The following CELF4 variants were observed in gnomAD, a reference collection of about 807,000 sequenced individuals.
CELF4 encodes the protein CUGBP Elav-like family member 4, also known as CUG-BP- and ETR-3-like factor 4.
Under a neutral mutation model 59.9 loss-of-function variants are expected in CELF4, and 18 were observed. The ratio of observed to expected loss-of-function variants is 0.30; its 90% CI spans 0.21 to 0.45. The LOEUF (loss-of-function observed/expected upper bound fraction) is 0.45, where lower values mean the gene tolerates loss of function less well. Among genes scored for constraint, CELF4 ranks in the 20% least tolerant of loss-of-function variants. The pLI is 1.00. For synonymous variants in CELF4, 261 were observed against 267.1 expected (o/e 0.98, Z 0.22); for missense variants, 456 against 689.0 (o/e 0.66, Z 3.79).
At position 37,565,622 on chromosome 18, in the gene CELF4, G is replaced by A; in HGVS notation, c.20C>T (p.Thr7Met). MYIKMATLANGQADNAS... is the reference protein window; with the variant it reads MYIKMAMLANGQADNAS... ...GTTGTCAGCCTGTCCGTTTGCTAAC[G>A]TGGCCATCTTTATATACATAGAGAA... Residue 7 changes from threonine to methionine, a missense_variant, in exon 1 of 13, where the codon ACG (threonine) becomes ATG (methionine). Transcript: ENST00000420428. 6.2e-7 allele frequency: 1 copy of A among 1,602,628 alleles called. No individual in the cohort carries two copies. Among genetic ancestry groups the A allele is most frequent in the South Asian group, 1.1e-5 (1 of 90,044 alleles).
chr18:37,423,429 C>T (rs780862812), intron 2 of CELF4, among the ~76,000 whole-genome samples: 1 of 151,844 alleles, frequency 6.6e-6, no homozygotes, highest in Non-Finnish European at 1.5e-5. Context: ...CTGGAGGAGG[C>T]GGGGTCAAAG....
At chr18:37,350,205 C>G (rs767412776) in intron 2 of CELF4, among the ~76,000 whole-genome samples, 1 of 152,134 alleles carries the variant, frequency 6.6e-6, no homozygotes, top group Non-Finnish European at 1.5e-5. Context: ...CTGACAAATG[C>G]AGACACTTTA....
At chr18:37,353,233 A>AAAAATATATATATATATATATAT in intron 2 of CELF4, among the ~76,000 whole-genome samples, 1 of 106,974 alleles carries the variant, frequency 9.3e-6, no homozygotes, top group South Asian at 3.2e-4. Flanking sequence ...AAAAAAAAAA[A>AAAAATATATATATATATATATAT]ATATATATAT....
At chr18:37,376,877 G>T (rs1457304726) in intron 2 of CELF4, among the ~76,000 whole-genome samples, 1 of 152,186 alleles carries the variant, frequency 6.6e-6, no homozygotes, top group Non-Finnish European at 1.5e-5. Flanking sequence ...CAATTTGAAA[G>T]CAGAGCAGAG....
chr18:37,476,817 T>C (rs2099850678), intron 2 of CELF4, among the ~76,000 whole-genome samples: 1 of 152,188 alleles, frequency 6.6e-6, no homozygotes, highest in Non-Finnish European at 1.5e-5. Flanking sequence ...GCACAGCCCT[T>C]GTGGCAGCCT....
At chr18:37,355,582 A>G (rs777028670) in intron 2 of CELF4, among the ~76,000 whole-genome samples, 7 of 152,244 alleles carry the variant, frequency 4.6e-5, no homozygotes, top group Middle Eastern at 3.4e-3. Flanking sequence ...CTGAGGCAGG[A>G]GAATCGCTTG....
At chr18:37,403,795 G>C (rs759438969) in intron 2 of CELF4, among the ~76,000 whole-genome samples, 1 of 152,200 alleles carries the variant, frequency 6.6e-6, no homozygotes, top group Non-Finnish European at 1.5e-5. Flanking sequence ...CAGATGCTGT[G>C]GCTGGGACAG....
At chr18:37,252,349 G>A (rs1167455387) in intron 12 of CELF4, among the ~76,000 whole-genome samples, 3 of 152,086 alleles carry the variant, frequency 2.0e-5, no homozygotes, top group Non-Finnish European at 4.4e-5. Flanking sequence ...GGTCAGTGCA[G>A]TAGACCTATG....
intron 2 of CELF4, among the ~76,000 whole-genome samples, chr18:37,348,433 C>T (rs1216529741): frequency 6.6e-6 from 1 of 152,168 alleles, no homozygotes; most frequent in African/African-American, 2.4e-5. Context: ...CGGTCCTGTC[C>T]ATCCCACATC....
Position 37,485,534 on chromosome 18 carries a change from A to G in CELF4, c.360T>C (p.Thr120=). ...GGCGGGCGCCACTTACCCCGGGCAGAGTCTTCTGCTCGTGCAGCGCGCTCT... is the reference window on the plus strand; with the variant it reads ...GGCGGGCGCCACTTACCCCGGGCAGGGTCTTCTGCTCGTGCAGCGCGCTCT... The part of the protein sequence containing the change: ...KAQSALHEQK[T]LPGMNRPIQV... Residue 120 remains threonine (T), a synonymous_variant, in exon 2 of 13, where the codon ACT becomes ACC. Coordinates refer to ENST00000420428, the MANE Select transcript of CELF4 (RefSeq NM_020180.4). 1.4e-6 allele frequency: 2 copies of G among 1,389,298 alleles called. No homozygotes were observed. Among genetic ancestry groups the G allele is most frequent in the Non-Finnish European group, 9.4e-7 (1 of 1,059,240 alleles). The allele number at this position is 1,389,298 out of a possible 1,614,324, so 86.1% of individuals were successfully genotyped here.
At chr18:37,480,824 G>A (rs1190003619) in intron 2 of CELF4, among the ~76,000 whole-genome samples, 1 of 151,854 alleles carries the variant, frequency 6.6e-6, no homozygotes, top group African/African-American at 2.4e-5. Flanking sequence ...GGAGAGAAGA[G>A]AGGAGAAAAT....
chr18:37,418,562 C>T (rs1207687123), intron 2 of CELF4, among the ~76,000 whole-genome samples: 1 of 152,234 alleles, frequency 6.6e-6, no homozygotes, highest in East Asian at 1.9e-4. Context: ...CTGGAAAAAG[C>T]AGTGAAGAAG....
chr18:37,303,656 T>G (rs1247986751), intron 3 of CELF4, among the ~76,000 whole-genome samples: 3 of 152,098 alleles, frequency 2.0e-5, no homozygotes, highest in Non-Finnish European at 4.4e-5. Flanking sequence ...CACTGCTGGC[T>G]CTCCAGGTCC....
At chr18:37,541,737 C>A (rs2099977970) in intron 1 of CELF4, among the ~76,000 whole-genome samples, 1 of 151,980 alleles carries the variant, frequency 6.6e-6, no homozygotes, top group Non-Finnish European at 1.5e-5. Flanking sequence ...CCATTCCTGC[C>A]TCCGGGCCTT....
At chr18:37,466,001 G>T (rs756303559) in intron 2 of CELF4, among the ~76,000 whole-genome samples, 5 of 152,160 alleles carry the variant, frequency 3.3e-5, no homozygotes, top group Non-Finnish European at 7.3e-5. Context: ...TGCTGGCAGA[G>T]TCAAAGGCCA....
At chr18:37,300,866 G>A (rs1381523746) in intron 3 of CELF4, among the ~76,000 whole-genome samples, 2 of 152,216 alleles carry the variant, frequency 1.3e-5, no homozygotes, top group Non-Finnish European at 2.9e-5. Flanking sequence ...GCCTGGCAGA[G>A]GGAGCAGCTA....
chr18:37,273,587 G>C lies in CELF4; in HGVS notation c.802-424C>G, dbSNP rs1024585140. 4 of 992,578 alleles carry C rather than the reference G, an allele frequency of 4.0e-6. No individual in the cohort carries two copies. The African/African-American group carries it at 6.9e-5, about 17-fold the overall frequency. The allele number at this position is 992,578 out of a possible 1,614,324, so 61.5% of individuals were successfully genotyped here. The stretch of plus-strand genomic sequence containing the variant: ...TAATTTGGAGTCTGTTGGTAGAAGT[G>C]ACAGGAGAATTATGAATAGAACCCC... On this transcript the variant is annotated intron_variant, in intron 6 of 12. Coordinates refer to ENST00000420428, the MANE Select transcript of CELF4 (RefSeq NM_020180.4).
At chr18:37,376,804 A>G (rs1171667330) in intron 2 of CELF4, among the ~76,000 whole-genome samples, 1 of 152,178 alleles carries the variant, frequency 6.6e-6, no homozygotes, top group Admixed American at 6.5e-5. Context: ...GGGATCGTAA[A>G]CTGGAGTTCA....
At chr18:37,517,225 G>A (rs992627003) in intron 1 of CELF4, among the ~76,000 whole-genome samples, 2 of 152,212 alleles carry the variant, frequency 1.3e-5, no homozygotes, top group Admixed American at 6.5e-5. Flanking sequence ...AATGTCCAGA[G>A]CTAAGTCTGA....
Sources: gnomAD v4.1 joint callset for allele counts (sites outside exome capture counted in the v4.1 genomes callset) on GRCh38, gnomAD v4.1.1 for gene constraint, MANE v1.5 for transcripts, NCBI Gene and HGNC (gene_info 2026-07-23, HGNC 2026-07-21) for gene names.